Variants in ITGAM observed in about 807,000 individuals in gnomAD.
ITGAM encodes integrin alpha-M.
ITGAM carries 79 observed loss-of-function variants against 137.5 expected under a neutral mutation model. The observed-to-expected ratio is 0.57, with a 90% CI of 0.48 to 0.69. The LOEUF (loss-of-function observed/expected upper bound fraction) is 0.69. ITGAM is among the 30% of genes least tolerant of loss of function. ITGAM has a pLI of 0.00. For missense variants in ITGAM, 1,343 were observed against 1,483.5 expected (o/e 0.91, Z 1.56); for synonymous variants, 583 against 592.3 (o/e 0.98, Z 0.23).
chr16:31,316,616 T>A (rs1247917893), intron 14 of ITGAM, among the ~76,000 whole-genome samples: 1 of 152,184 alleles, frequency 6.6e-6, no homozygotes, highest in East Asian at 1.9e-4. Context: ...TGACTTCATA[T>A]TAATTTTAGT....
At chr16:31,272,456 TATATATA>T (rs1323016110) in intron 7 of ITGAM, among the ~76,000 whole-genome samples, 9 of 12,436 alleles carry the variant, frequency 7.2e-4, no homozygotes, top group South Asian at 3.1e-3. Context: ...TATATATATA[TATATATA>T]TTTTTTTTTT....
At chr16:31,306,508 CT>C (rs1157246212) in intron 14 of ITGAM, among the ~76,000 whole-genome samples, 5,102 of 142,180 alleles carry the variant, frequency 0.036, 225 homozygotes, top group African/African-American at 0.11. Flanking sequence ...GCAAGGTACT[CT>C]TTTTTTTTTT....
intron 8 of ITGAM, among the ~76,000 whole-genome samples, chr16:31,274,652 T>A (rs1455012472): frequency 6.6e-6 from 1 of 152,050 alleles, no homozygotes; most frequent in Non-Finnish European, 1.5e-5. Context: ...TCTTGCTCTA[T>A]CGCTCAGGCT....
chr16:31,280,018 T>TA (rs374865284), intron 12 of ITGAM, among the ~76,000 whole-genome samples: 1 of 151,970 alleles, frequency 6.6e-6, no homozygotes, highest in Non-Finnish European at 1.5e-5. Context: ...TTCTTGTTTT[T>TA]TCAGGTTTGT....
Position 31,324,333 on chromosome 16 carries a change from T to C in ITGAM, c.2003-66T>C, listed in dbSNP as rs1199888432. ...AGCTGAGAAGCAGAGGAGCTGGGCC[T>C]TGAACTCCCATCTGCCGGGTTCCGA... On this transcript the variant is annotated intron_variant, in intron 16 of 29. Coordinates refer to ENST00000544665, the MANE Select transcript of ITGAM (RefSeq NM_000632.4). This position sits in a 1 kb window ranked among gnomAD's most constrained non-coding sequence, Gnocchi z 4.5. 2.1e-6 allele frequency: 3 copies of C among 1,420,270 alleles called. No individual in the cohort carries two copies. Among genetic ancestry groups the C allele is most frequent in the African/African-American group, 1.4e-5 (1 of 70,492 alleles). The allele number at this position is 1,420,270 out of a possible 1,614,324, so 88.0% of individuals were successfully genotyped here. A position where few individuals can be genotyped will look rare whatever the true frequency, so the allele number is the denominator to read the frequency against.
At chr16:31,283,750 G>C (rs762603372) in intron 12 of ITGAM, among the ~76,000 whole-genome samples, 6 of 152,308 alleles carry the variant, frequency 3.9e-5, no homozygotes, top group Admixed American at 1.3e-4. Flanking sequence ...TCTCCGTCCA[G>C]CTTCGTTCCA....
At chr16:31,268,982 A>C (rs1042432472) in intron 5 of ITGAM, among the ~76,000 whole-genome samples, 4 of 152,164 alleles carry the variant, frequency 2.6e-5, no homozygotes, top group Admixed American at 2.0e-4. Flanking sequence ...AATAATTCAC[A>C]CAGAGCCAGC....
chr16:31,282,024 C>A (rs560086568), intron 12 of ITGAM, among the ~76,000 whole-genome samples: 5 of 152,010 alleles, frequency 3.3e-5, no homozygotes, highest in Admixed American at 6.6e-5. Flanking sequence ...TGTAGTTGAG[C>A]GGTTTTGAGT....
intron 14 of ITGAM, among the ~76,000 whole-genome samples, chr16:31,316,055 G>A (rs62051483): frequency 0.83 from 35,426 of 42,750 alleles, 14,949 homozygotes; most frequent in East Asian, 0.99. Flanking sequence ...TTAGCCGGGC[G>A]CGGTGGCGGG....
intron 12 of ITGAM, 136 bp from the exon 13 acceptor site, chr16:31,297,378 A>T: frequency 8.6e-7 from 1 of 1,165,400 alleles, no homozygotes; most frequent in Non-Finnish European, 1.2e-6. Flanking sequence ...GTGATAATTT[A>T]TCATGAACCA....
chr16:31,274,954 G>T (rs994214556), intron 8 of ITGAM, among the ~76,000 whole-genome samples: 1 of 152,156 alleles, frequency 6.6e-6, no homozygotes, highest in African/African-American at 2.4e-5. Flanking sequence ...CCTTATCCTT[G>T]TTGGCAAAGT....
At chr16:31,261,461 C>T (rs1409536933) in intron 1 of ITGAM, among the ~76,000 whole-genome samples, 1 of 151,800 alleles carries the variant, frequency 6.6e-6, no homozygotes, top group African/African-American at 2.4e-5. Flanking sequence ...GGATAACAGG[C>T]CTGAGCCACC....
rs2080332125 is a variant in ITGAM, at chr16:31,311,583, A to G, written c.1708-9658A>G. Among the ~76,000 whole-genome samples the G allele has an allele frequency of 4.6e-5, 7 of 152,238 alleles. No individual in the cohort carries two copies. The South Asian group carries it at 1.4e-3, about 32-fold the overall frequency. The stretch of plus-strand genomic sequence containing the variant: ...AGAAATGCAAATCAAAACCACAATG[A>G]GATACCATCTCACACCAGTTAGAAT... On this transcript the variant is annotated intron_variant, in intron 14 of 29. Transcript: ENST00000544665.
chr16:31,288,792 A>C (rs996974429), intron 12 of ITGAM, among the ~76,000 whole-genome samples: 1 of 152,242 alleles, frequency 6.6e-6, no homozygotes, highest in East Asian at 1.9e-4. Context: ...TCTGCACAGC[A>C]AAAGAAACTA....
intron 26 of ITGAM, 37 bp downstream of exon 26, chr16:31,330,201 C>G: frequency 6.2e-7 from 1 of 1,602,996 alleles, no homozygotes. Context: ...CACACAGAGA[C>G]CCAGAGCGCT....
At chr16:31,331,324 G>A (rs760533355) in intron 29 of ITGAM, 49 bp downstream of exon 29, 1 of 1,033,592 alleles carries the variant, frequency 9.7e-7, no homozygotes, top group South Asian at 1.3e-5. Flanking sequence ...CTCGGGCCTC[G>A]CGCTGCAGCT....
chr16:31,290,174 G>T (rs1210744831), intron 12 of ITGAM, among the ~76,000 whole-genome samples: 1 of 151,878 alleles, frequency 6.6e-6, no homozygotes, highest in Non-Finnish European at 1.5e-5. Flanking sequence ...AAGCTGGAGG[G>T]TTCACACTTT....
At chr16:31,329,998 C>G (rs2080558788) in intron 25 of ITGAM, 83 bp from the exon 26 acceptor site, 1 of 1,545,934 alleles carries the variant, frequency 6.5e-7, no homozygotes, top group South Asian at 1.2e-5. Flanking sequence ...CCGCCCCTCT[C>G]CTGGACCCAG....
Position 31,297,496 on chromosome 16 carries a change from C to T in ITGAM, c.1357-18C>T, listed in dbSNP as rs367568987. ...TTAGGTGGGAAGAGGTGTGTGATTACGGTCCTGTCTCTTTCAGATCGGCGC... is the reference window on the plus strand; with the variant it reads ...TTAGGTGGGAAGAGGTGTGTGATTATGGTCCTGTCTCTTTCAGATCGGCGC... On this transcript the variant is annotated intron_variant, in intron 12 of 29. Transcript: ENST00000544665. 15 of 1,611,592 alleles carry T rather than the reference C, an allele frequency of 9.3e-6. No homozygotes were observed. Among genetic ancestry groups the T allele is most frequent in the East Asian group, 4.5e-5 (2 of 44,896 alleles).
Sources: gnomAD v4.1 joint callset for allele counts (sites outside exome capture counted in the v4.1 genomes callset) on GRCh38, gnomAD v4.1.1 for gene constraint, Gnocchi (gnomAD v3.1) non-coding constraint, MANE v1.5 for transcripts, NCBI Gene and HGNC (gene_info 2026-07-23, HGNC 2026-07-21) for gene names.